BROX: variants seen among roughly 807,000 people sequenced by gnomAD.
BROX encodes the protein BRO1 domain and CAAX motif containing, also known as BRO1 domain-containing protein BROX.
BROX carries 53 observed loss-of-function variants against 61.0 expected under a neutral mutation model. The ratio of observed to expected loss-of-function variants is 0.87; its 90% CI spans 0.70 to 1.09. The LOEUF (loss-of-function observed/expected upper bound fraction) is 1.09. Among genes scored for constraint, BROX ranks in the 50% least tolerant of loss-of-function variants. The pLI, the probability that BROX is intolerant of heterozygous loss-of-function variation, is 0.00. For synonymous variants in BROX, 152 were observed against 160.2 expected, an observed-to-expected ratio of 0.95 and a Z score of 0.38; for missense variants, 489 against 472.0, an observed-to-expected ratio of 1.04 and a Z score of -0.33.
intron 7 of BROX, among the ~76,000 whole-genome samples, chr1:222,726,632 G>A (rs778492167): frequency 9.9e-5 from 15 of 152,128 alleles, no homozygotes; most frequent in Middle Eastern, 3.4e-3. Flanking sequence ...CAGGAGAATC[G>A]CTTGAACCTG....
chr1:222,732,270 TA>T (rs1657995780), intron 12 of BROX, among the ~76,000 whole-genome samples: 3 of 152,196 alleles, frequency 2.0e-5, no homozygotes, highest in Non-Finnish European at 2.9e-5. Flanking sequence ...ATGTGCAGGT[TA>T]GTTACATATG....
At position 222,734,137 on chromosome 1, in the gene BROX, G is replaced by A. The variant is rs1216937802; in HGVS notation, c.*1423G>A. Reference sequence around the variant, plus strand: ...ATAGTGGATGCATAATACTTTAACAGAAGTCACACATCTGTAGGTTTATCT... The same window carrying A: ...ATAGTGGATGCATAATACTTTAACAAAAGTCACACATCTGTAGGTTTATCT... On this transcript the variant is annotated 3_prime_UTR_variant, in exon 13 of 13. Transcript: ENST00000340934. The A allele has an allele frequency of 6.6e-5, 10 of 152,278 alleles. No individual in the cohort carries two copies. The East Asian group carries it at 1.7e-3, about 26-fold the overall frequency. 9.4% of individuals were successfully genotyped at this position (152,278 alleles called of 1,614,324 possible).
At position 222,728,723 on chromosome 1, in the gene BROX, T is replaced by C. The variant is rs1260421968; in HGVS notation, c.671-20T>C. 3.9e-6 allele frequency: 6 copies of C among 1,526,696 alleles called. No individual in the cohort carries two copies. Among genetic ancestry groups the C allele is most frequent in the Non-Finnish European group, 5.4e-6 (6 of 1,111,730 alleles). 94.6% of individuals were successfully genotyped at this position (1,526,696 alleles called of 1,614,324 possible). On this transcript the variant is annotated intron_variant, in intron 8 of 12. Coordinates refer to ENST00000340934, the MANE Select transcript of BROX (RefSeq NM_144695.4). ...GAATCAGGGCGAAATTATATTTTGC[T>C]TTTTAAAATGTAACTTTAGATCATA...
chr1:222,723,477 A>G (rs1369263483), intron 5 of BROX, among the ~76,000 whole-genome samples: 2 of 151,524 alleles, frequency 1.3e-5, no homozygotes, highest in Non-Finnish European at 2.9e-5. Context: ...CTTTTTTTTC[A>G]TTTGTAGTAT....
chr1:222,725,481 C>T lies in BROX; in HGVS notation c.506C>T (p.Ala169Val), dbSNP rs750490083. Residue 169 changes from alanine to valine, a missense_variant, in exon 7 of 13, where the codon GCG (alanine) becomes GTG (valine). Physicochemically the swap from Ala to Val is moderately conservative, Grantham distance 64. Coordinates refer to ENST00000340934, the MANE Select transcript of BROX (RefSeq NM_144695.4). ...ESHLPKLITP[A>V]EKGRDLESRL... ...CATCTCCCAAAACTCATTACACCTG[C>T]GGAAAAAGGAAGAGATTTAGAGTCA... The T allele has an allele frequency of 1.8e-5, 29 of 1,611,612 alleles. No homozygotes were observed. The highest frequency in any genetic ancestry group is 1.1e-4 in the South Asian group (10 of 90,720).
chr1:222,722,639 A>G, intron 5 of BROX, 125 bp downstream of exon 5: 1 of 674,202 alleles, frequency 1.5e-6, no homozygotes, highest in South Asian at 2.0e-5. Flanking sequence ...TTGTAATGTT[A>G]GTATTTTGAG....
In BROX at chr1:222,727,237, C is replaced by A. The variant is rs752490391; in HGVS notation, c.650C>A (p.Ala217Asp). ...GLIAALAYET[A>D]NFYQKADHTL... ...ATTGCTGCACTGGCGTATGAAACAGCCAATTTCTATCAAAAAGCTGGTAAG... is the reference window on the plus strand; with the variant it reads ...ATTGCTGCACTGGCGTATGAAACAGACAATTTCTATCAAAAAGCTGGTAAG... The change falls in exon 8 of 13, where the codon GCC becomes GAC. Residue 217 changes from alanine (A) to aspartate (D), a missense_variant. Transcript: ENST00000340934. The A allele has an allele frequency of 2.6e-5, 42 of 1,611,852 alleles. No individual in the cohort carries two copies. The African/African-American group carries it at 4.0e-4, about 15-fold the overall frequency.
At chr1:222,713,183 T>C (rs1368890949) in intron 1 of BROX, 1 of 973,070 alleles carries the variant, frequency 1.0e-6, no homozygotes, top group African/African-American at 1.8e-5. Context: ...CCATTGGTCA[T>C]TGGAGAGCTT....
intron 4 of BROX, among the ~76,000 whole-genome samples, chr1:222,719,992 A>G (rs1656947448): frequency 6.6e-6 from 1 of 152,190 alleles, no homozygotes; most frequent in African/African-American, 2.4e-5. Context: ...TTTAATCCCA[A>G]TTTGCTTTAG....
Position 222,731,392 on chromosome 1 carries a change from T to C in BROX, c.1025T>C (p.Leu342Pro). 1 of 1,576,220 alleles carries C rather than the reference T, an allele frequency of 6.3e-7. No individual in the cohort carries two copies. Among genetic ancestry groups the C allele is most frequent in the Non-Finnish European group, 8.5e-7 (1 of 1,169,880 alleles). ...AAAATTCCAACAGAAGCCCCACAGC[T>C]GGAACTCAAAGCAAATTATGGTCTC... ...FQKIPTEAPQLELKANYGLVE... is the reference protein window; with the variant it reads ...FQKIPTEAPQPELKANYGLVE... The change falls in exon 12 of 13, where the codon CTG (leucine) becomes CCG (proline). Residue 342 changes from leucine to proline, a missense_variant. Physicochemically the swap from Leu to Pro is moderately conservative, Grantham distance 98 (BLOSUM62 -3). Coordinates refer to ENST00000340934, the MANE Select transcript of BROX (RefSeq NM_144695.4).
Position 222,712,909 on chromosome 1 carries a change from TAGA to T in BROX, c.-45_-43del, listed in dbSNP as rs1462867283. ...CTCCGATATATTGCCCTTCTTCCCTTAGAAGAACTGCTGAACCGACTCTGAGAA... is the reference window on the plus strand; with the variant it reads ...CTCCGATATATTGCCCTTCTTCCCTTAGAACTGCTGAACCGACTCTGAGAA... On this transcript the variant is annotated 5_prime_UTR_variant, in exon 1 of 13. Transcript: ENST00000340934. 21 of 1,219,792 alleles carry T rather than the reference TAGA, an allele frequency of 1.7e-5. No individual in the cohort carries two copies. The African/African-American group carries it at 2.2e-4, about 13-fold the overall frequency. The allele number at this position is 1,219,792 out of a possible 1,614,324, so 75.6% of individuals were successfully genotyped here.
At chr1:222,722,379 G>C in intron 4 of BROX, 40 bp from the exon 5 acceptor site, 1 of 1,525,674 alleles carries the variant, frequency 6.6e-7, no homozygotes, top group Non-Finnish European at 9.1e-7. Context: ...GTGATGTCTG[G>C]ATAATTGACA....
chr1:222,730,566 C>A (rs542587208), intron 11 of BROX, among the ~76,000 whole-genome samples: 1 of 152,086 alleles, frequency 6.6e-6, no homozygotes, highest in African/African-American at 2.4e-5. Context: ...ACTGCACTCC[C>A]GCCTGGGCAA....
At chr1:222,715,860 T>C in intron 2 of BROX, 60 bp downstream of exon 2, 1 of 914,966 alleles carries the variant, frequency 1.1e-6, no homozygotes, top group Non-Finnish European at 1.7e-6. Context: ...TCCATGGCAA[T>C]ACAGAAATAT....
intron 8 of BROX, among the ~76,000 whole-genome samples, chr1:222,727,506 G>C (rs17532757): frequency 0.9 from 137,745 of 152,240 alleles, 62,462 homozygotes; most frequent in East Asian, 1. Context: ...TTTTTTTAGT[G>C]TTTATAACAA....
intron 1 of BROX, chr1:222,714,086 C>T (rs924844528): frequency 6.6e-6 from 1 of 152,114 alleles, no homozygotes; most frequent in African/African-American, 2.4e-5. Context: ...TTAAATGAAC[C>T]TTATCAGAAT....
chr1:222,722,366 G>T, intron 4 of BROX, 53 bp from the exon 5 acceptor site: 2 of 1,420,810 alleles, frequency 1.4e-6, no homozygotes, highest in Non-Finnish European at 2.0e-6. Flanking sequence ...TAGGCTTCAT[G>T]GTGTGATGTC....
Position 222,712,735 on chromosome 1 carries a change from A to C in BROX, c.-224A>C. On this transcript the variant is annotated 5_prime_UTR_variant, in exon 1 of 13. Transcript: ENST00000340934. Reference sequence around the variant, plus strand: ...TTTGAGGGGACTGCAACGCCGCGGCAATACCCGCCCCTGAGCTGCGCGCAC... The same window carrying C: ...TTTGAGGGGACTGCAACGCCGCGGCCATACCCGCCCCTGAGCTGCGCGCAC... 7.7e-7 allele frequency: 1 copy of C among 1,290,474 alleles called. No individual in the cohort carries two copies. The highest frequency in any genetic ancestry group is 1.0e-6 in the Non-Finnish European group (1 of 989,610). 79.9% of individuals were successfully genotyped at this position (1,290,474 alleles called of 1,614,324 possible). A position where few individuals can be genotyped will look rare whatever the true frequency, so the allele number is the denominator to read the frequency against.
In BROX at chr1:222,730,006, T is replaced by G. The variant is rs17163458; in HGVS notation, c.839-21T>G. ...CAGTGTTAATTATAATCAAAAGACT[T>G]TAAATCTCTTTCACATGCAGTGTAT... On this transcript the variant is annotated intron_variant, in intron 10 of 12. Transcript: ENST00000340934. 7,760 of 1,585,456 alleles carry G rather than the reference T, an allele frequency of 4.9e-3. 329 individuals carry two copies. The African/African-American group carries it at 0.092, about 19-fold the overall frequency.
Sources: allele counts gnomAD v4.1 joint callset (sites outside exome capture counted in the v4.1 genomes callset), GRCh38; gene constraint gnomAD v4.1.1; transcripts MANE v1.5; gene names NCBI Gene and HGNC (gene_info 2026-07-23, HGNC 2026-07-21).